The following MAGI1 variants were observed in gnomAD, a reference collection of about 807,000 sequenced individuals.
MAGI1 encodes the protein membrane-associated guanylate kinase, WW and PDZ domain-containing protein 1.
MAGI1 carries 58 observed loss-of-function variants against 139.9 expected under a neutral mutation model. That is an observed-to-expected ratio of 0.41 (90% CI 0.34 to 0.52). MAGI1 has a LOEUF of 0.52. MAGI1 is among the 20% of genes least tolerant of loss of function. The pLI is 0.12. For synonymous variants in MAGI1, 812 were observed against 737.9 expected, an observed-to-expected ratio of 1.10 and a Z score of -1.63; for missense variants, 1,874 against 1,901.6, an observed-to-expected ratio of 0.99 and a Z score of 0.27.
At chr3:65,593,835 A>G (rs968553354) in intron 2 of MAGI1, among the ~76,000 whole-genome samples, 1 of 152,216 alleles carries the variant, frequency 6.6e-6, no homozygotes. Flanking sequence ...AAAGAGAAAT[A>G]ATTTAAAAAT....
At chr3:65,491,716 A>G (rs1280739808) in intron 3 of MAGI1, among the ~76,000 whole-genome samples, 1 of 128,138 alleles carries the variant, frequency 7.8e-6, no homozygotes, top group Non-Finnish European at 1.6e-5. Flanking sequence ...CCCTCTATAC[A>G]CTCCTAGACC....
At chr3:65,909,555 G>A (rs533013991) in intron 1 of MAGI1, among the ~76,000 whole-genome samples, 1 of 152,102 alleles carries the variant, frequency 6.6e-6, no homozygotes, top group Non-Finnish European at 1.5e-5. Context: ...AATTAGGCCA[G>A]TGTGGTGGTG....
chr3:65,943,805 A>T (rs1356386494), intron 1 of MAGI1, among the ~76,000 whole-genome samples: 2 of 152,236 alleles, frequency 1.3e-5, no homozygotes, highest in Non-Finnish European at 2.9e-5. Flanking sequence ...ATCACAACAT[A>T]TTAAAGAGTT....
intron 2 of MAGI1, among the ~76,000 whole-genome samples, chr3:65,589,150 C>T (rs943204993): frequency 1.3e-5 from 2 of 152,106 alleles, no homozygotes; most frequent in African/African-American, 2.4e-5. Flanking sequence ...AGACAGGAAA[C>T]TTGAATAGTT....
At chr3:65,981,649 C>T (rs1044555421) in intron 1 of MAGI1, among the ~76,000 whole-genome samples, 4 of 152,108 alleles carry the variant, frequency 2.6e-5, no homozygotes, top group African/African-American at 7.2e-5. Flanking sequence ...GGGAGGCACC[C>T]GGTGGGAGAT....
chr3:65,572,193 A>G (rs1439163122), intron 2 of MAGI1, among the ~76,000 whole-genome samples: 1 of 152,142 alleles, frequency 6.6e-6, no homozygotes, highest in Non-Finnish European at 1.5e-5. Context: ...CTTTAAGAAT[A>G]ATATCTTATC....
chr3:65,411,405 T>A (rs1160376846), intron 12 of MAGI1, among the ~76,000 whole-genome samples: 1 of 152,196 alleles, frequency 6.6e-6, no homozygotes, highest in Admixed American at 6.5e-5. Context: ...CACAGAGGTC[T>A]CCCTAAGATA....
At chr3:65,915,668 C>T (rs1009292517) in intron 1 of MAGI1, among the ~76,000 whole-genome samples, 1 of 152,130 alleles carries the variant, frequency 6.6e-6, no homozygotes, top group Admixed American at 6.5e-5. Context: ...TCCAGTGTAT[C>T]CTTCAAGTGG....
intron 2 of MAGI1, among the ~76,000 whole-genome samples, chr3:65,500,463 T>C (rs1304765167): frequency 6.6e-6 from 1 of 152,232 alleles, no homozygotes; most frequent in African/African-American, 2.4e-5. Flanking sequence ...GCAGTGTATC[T>C]GGCTTCAGAG....
chr3:65,706,012 C>A (rs1023164494), intron 1 of MAGI1, among the ~76,000 whole-genome samples: 6 of 152,200 alleles, frequency 3.9e-5, no homozygotes, highest in African/African-American at 1.4e-4. Context: ...CTGTAAAGTA[C>A]AAACTGACTG....
chr3:65,501,953 T>G (rs762483421), intron 2 of MAGI1, among the ~76,000 whole-genome samples: 3 of 152,176 alleles, frequency 2.0e-5, no homozygotes, highest in Non-Finnish European at 4.4e-5. Flanking sequence ...GATTACACAC[T>G]GTATGATTAC....
chr3:65,677,871 T>G (rs2087297874), intron 1 of MAGI1, among the ~76,000 whole-genome samples: 1 of 152,206 alleles, frequency 6.6e-6, no homozygotes, highest in African/African-American at 2.4e-5. Flanking sequence ...TCCTGTCCCT[T>G]GAAAAGTTAG....
rs539823680 is a variant in MAGI1 at position 65,535,123 on chromosome 3, G to A, written c.431-41492C>T. On this transcript the variant is annotated intron_variant, in intron 2 of 22. Coordinates refer to ENST00000402939, the MANE Select transcript of MAGI1 (RefSeq NM_001033057.2). ...TGGTGGTGTTGTTCTTGTTCCCCAAGGGACTCTACTGACACTCCTTACCAT... is the reference window on the plus strand; with the variant it reads ...TGGTGGTGTTGTTCTTGTTCCCCAAAGGACTCTACTGACACTCCTTACCAT... Among the ~76,000 whole-genome samples the A allele has an allele frequency of 1.4e-4, 21 of 152,130 alleles. 1 individual carries two copies. The East Asian group carries it at 3.1e-3, about 22-fold the overall frequency.
At position 65,430,116 on chromosome 3, in the gene MAGI1, T is replaced by A. The variant is rs776381036; in HGVS notation, c.1571A>T (p.Asp524Val). Residue 524 changes from aspartate to valine, a missense_variant, in exon 12 of 23, where the codon GAC (aspartate) becomes GTC (valine). Coordinates refer to ENST00000402939, the MANE Select transcript of MAGI1 (RefSeq NM_001033057.2). ...ATGTGTGTGTCCCAAAACACAGGTGTCATTCACACTTACAATCACATCCCC... is the reference window on the plus strand; with the variant it reads ...ATGTGTGTGTCCCAAAACACAGGTGACATTCACACTTACAATCACATCCCC... ...ETGDVIVSVNDTCVLGHTHAQ... is the reference protein window; with the variant it reads ...ETGDVIVSVNVTCVLGHTHAQ... The A allele has an allele frequency of 1.9e-6, 3 of 1,613,316 alleles. No individual in the cohort carries two copies. The East Asian group carries it at 6.7e-5, about 36-fold the overall frequency.
intron 1 of MAGI1, among the ~76,000 whole-genome samples, chr3:65,685,125 A>G (rs1457582562): frequency 6.6e-6 from 1 of 151,980 alleles, no homozygotes; most frequent in East Asian, 1.9e-4. Flanking sequence ...CTCTCACTGT[A>G]TTATTTTGTA....
At chr3:65,393,236 G>T (rs1174059683) in intron 13 of MAGI1, among the ~76,000 whole-genome samples, 1 of 152,120 alleles carries the variant, frequency 6.6e-6, no homozygotes, top group Non-Finnish European at 1.5e-5. Flanking sequence ...TCTTTTGCAT[G>T]CACATGGGAC....
Position 65,383,607 on chromosome 3 carries a change from T to A in MAGI1, c.2433A>T (p.Glu811Asp), listed in dbSNP as rs1559512100. 3.1e-6 allele frequency: 5 copies of A among 1,612,724 alleles called. No individual in the cohort carries two copies. The highest frequency in any genetic ancestry group is 4.2e-6 in the Non-Finnish European group (5 of 1,178,828). ...MYENRLPDYQ[E>D]QDIFLWRKET... is the part of the protein sequence containing the mutation. ...CTTTTCTCCAGAGGAAGATGTCCTG[T>A]TCCTGGTAATCTGGAACTGCAGAGA... The change falls in exon 15 of 23, where the codon GAA becomes GAT. Residue 811 changes from glutamate (E) to aspartate (D), a missense_variant. This residue lies in a region of MAGI1 where 482 missense variants were observed against 509.6 expected (regional missense o/e 0.95). Coordinates refer to ENST00000402939, the MANE Select transcript of MAGI1 (RefSeq NM_001033057.2).
At chr3:65,494,976 T>C (rs1230721957) in intron 2 of MAGI1, among the ~76,000 whole-genome samples, 1 of 152,258 alleles carries the variant, frequency 6.6e-6, no homozygotes, top group Non-Finnish European at 1.5e-5. Context: ...ATAATCAGCA[T>C]GCTAGAACCT....
At chr3:65,468,968 A>AATAC (rs1335644921) in intron 5 of MAGI1, among the ~76,000 whole-genome samples, 1 of 150,690 alleles carries the variant, frequency 6.6e-6, no homozygotes, top group Non-Finnish European at 1.5e-5. Context: ...TAAATAAATA[A>AATAC]ATAAATAAAT....
Sources: gnomAD v4.1 joint callset for allele counts (sites outside exome capture counted in the v4.1 genomes callset) on GRCh38, gnomAD v4.1.1 for gene constraint, gnomAD v4.1.1 regional missense constraint, MANE v1.5 for transcripts, NCBI Gene and HGNC (gene_info 2026-07-23, HGNC 2026-07-21) for gene names.